The following SHOC2 variants were observed in gnomAD, a reference collection of about 807,000 sequenced individuals.
The protein encoded by SHOC2 is SHOC2 leucine rich repeat scaffold protein.
A neutral mutation model predicts 50.2 loss-of-function variants in SHOC2; 4 were observed. The observed-to-expected ratio is 0.08, with a 90% confidence interval of 0.04 to 0.18. The LOEUF is 0.18. SHOC2 is among the 10% of genes least tolerant of loss of function. The pLI is 1.00. For missense variants in SHOC2, 388 were observed against 669.6 expected (o/e 0.58, Z 4.64); for synonymous variants, 218 against 244.5 (o/e 0.89, Z 1.01).
Position 111,013,539 on chromosome 10 carries a change from A to G in SHOC2, c.*1721A>G, listed in dbSNP as rs1848607273. 1 of 152,116 alleles carries G rather than the reference A, an allele frequency of 6.6e-6. No homozygotes were observed. Among genetic ancestry groups the G allele is most frequent in the Non-Finnish European group, 1.5e-5 (1 of 67,990 alleles). The allele number at this position is 152,116 out of a possible 1,614,324, so 9.4% of individuals were successfully genotyped here. ...CCCTAGAATGCTTAAATGTGCTGTAAAACTATTGTAGATGTCACTGGATTT... is the reference window on the plus strand; with the variant it reads ...CCCTAGAATGCTTAAATGTGCTGTAGAACTATTGTAGATGTCACTGGATTT... On this transcript the variant is annotated 3_prime_UTR_variant, in exon 9 of 9. Coordinates refer to ENST00000369452, the MANE Select transcript of SHOC2 (RefSeq NM_007373.4).
chr10:110,957,001 T>A lies in SHOC2; in HGVS notation c.-234-7124T>A, dbSNP rs1349379156. On this transcript the variant is annotated intron_variant, in intron 1 of 8. Transcript: ENST00000369452. ...GTACCTTTTCTGGTGAACCTGGAGC[T>A]TTGTTCAGAGATCAAGAAAACAAGC... 7.2e-5 allele frequency among the ~76,000 whole-genome samples: 11 copies of A among 152,184 alleles called. No homozygotes were observed. In the East Asian group the frequency reaches 2.1e-3, roughly 29 times the overall value.
At chr10:111,006,471 C>T (rs1055750777) in intron 5 of SHOC2, among the ~76,000 whole-genome samples, 1 of 151,716 alleles carries the variant, frequency 6.6e-6, no homozygotes, top group African/African-American at 2.4e-5. Context: ...CCCGGGTTCA[C>T]GCCATTCTCC....
chr10:110,973,552 A>G (rs1350880357), intron 2 of SHOC2, among the ~76,000 whole-genome samples: 3 of 152,084 alleles, frequency 2.0e-5, no homozygotes, highest in Admixed American at 2.0e-4. Flanking sequence ...TCCTCATATC[A>G]TAGAATGAGT....
chr10:110,974,414 TATC>T (rs1472275009), intron 2 of SHOC2, among the ~76,000 whole-genome samples: 2 of 152,042 alleles, frequency 1.3e-5, no homozygotes, highest in African/African-American at 4.8e-5. Flanking sequence ...ATTGTAAAAA[TATC>T]AGCAAGGTCA....
intron 1 of SHOC2, among the ~76,000 whole-genome samples, chr10:110,934,898 C>T (rs1404632263): frequency 1.3e-5 from 2 of 152,050 alleles, no homozygotes; most frequent in African/African-American, 2.4e-5. Flanking sequence ...GTGTAAAATT[C>T]AAAAGATATA....
chr10:110,944,077 A>G (rs1380785896), intron 1 of SHOC2, among the ~76,000 whole-genome samples: 1 of 152,162 alleles, frequency 6.6e-6, no homozygotes, highest in East Asian at 1.9e-4. Context: ...CTTTTTTGTT[A>G]TTACAGAAAA....
At chr10:110,963,536 A>G (rs1002035336) in intron 1 of SHOC2, among the ~76,000 whole-genome samples, 19 of 151,934 alleles carry the variant, frequency 1.3e-4, no homozygotes, top group African/African-American at 4.6e-4. Context: ...TCTCTCTTCT[A>G]TCGTCACCAC....
At position 110,944,989 on chromosome 10, in the gene SHOC2, T is replaced by C. The variant is rs575548887; in HGVS notation, c.-234-19136T>C. ...AGCTTAGGCCCTTTTCAGGTCTTCC[T>C]TGAGCATGTACACAGCCTTAGGCAT... On this transcript the variant is annotated intron_variant, in intron 1 of 8. Transcript: ENST00000369452. Among the ~76,000 whole-genome samples the C allele has an allele frequency of 1.5e-3, 225 of 152,208 alleles. 1 individual carries two copies. The highest frequency in any genetic ancestry group is 2.4e-3 in the Non-Finnish European group (165 of 68,016).
intron 1 of SHOC2, among the ~76,000 whole-genome samples, chr10:110,938,397 T>A (rs1472278539): frequency 6.6e-6 from 1 of 152,160 alleles, no homozygotes; most frequent in Non-Finnish European, 1.5e-5. Flanking sequence ...AGCTTTCAAT[T>A]TTTAGCCTTT....
intron 1 of SHOC2, among the ~76,000 whole-genome samples, chr10:110,942,552 C>T (rs1230647522): frequency 6.6e-6 from 1 of 152,128 alleles, no homozygotes; most frequent in Non-Finnish European, 1.5e-5. Context: ...CCTTTATTTT[C>T]AAGAAAATGT....
chr10:110,921,250 A>T (rs1254895506), intron 1 of SHOC2, among the ~76,000 whole-genome samples: 1 of 152,240 alleles, frequency 6.6e-6, no homozygotes, highest in Non-Finnish European at 1.5e-5. Flanking sequence ...TAAAGTATGC[A>T]AATGACCATT....
rs566784958 is a variant in SHOC2, at chr10:110,946,385, T to C, written c.-234-17740T>C. Among the ~76,000 whole-genome samples, 9 of 149,966 alleles carry C rather than the reference T, an allele frequency of 6.0e-5. No homozygotes were observed. In the East Asian group the frequency reaches 1.7e-3, roughly 29 times the overall value. On this transcript the variant is annotated intron_variant, in intron 1 of 8. Coordinates refer to ENST00000369452, the MANE Select transcript of SHOC2 (RefSeq NM_007373.4). ...ATCTAGTATTGGCCAGGTTCTAGGC[T>C]CTGAATATACAGCTGCAAACCAAAT...
At chr10:110,938,246 T>A (rs1300110376) in intron 1 of SHOC2, among the ~76,000 whole-genome samples, 1 of 152,144 alleles carries the variant, frequency 6.6e-6, no homozygotes, top group Non-Finnish European at 1.5e-5. Context: ...TGAGTTTCAT[T>A]TTACCTGTGG....
At chr10:110,930,682 G>A (rs1219135164) in intron 1 of SHOC2, among the ~76,000 whole-genome samples, 2 of 141,508 alleles carry the variant, frequency 1.4e-5, no homozygotes, top group Non-Finnish European at 3.1e-5. Flanking sequence ...TGTATGACAT[G>A]TTTGGAGTTC....
chr10:110,953,673 T>C (rs1389737342), intron 1 of SHOC2, among the ~76,000 whole-genome samples: 1 of 151,984 alleles, frequency 6.6e-6, no homozygotes, highest in Non-Finnish European at 1.5e-5. Flanking sequence ...GTATAACTTG[T>C]GCGTAGTTAC....
chr10:111,001,607 G>A (rs1410093063), intron 4 of SHOC2, among the ~76,000 whole-genome samples: 1 of 152,170 alleles, frequency 6.6e-6, no homozygotes, highest in Admixed American at 6.5e-5. Context: ...CAAAAGAATT[G>A]GGGACTTATG....
At chr10:110,979,771 G>A (rs944278490) in intron 2 of SHOC2, among the ~76,000 whole-genome samples, 4 of 152,154 alleles carry the variant, frequency 2.6e-5, no homozygotes, top group Admixed American at 2.6e-4. Flanking sequence ...AATTCTTCAT[G>A]ACCAAACTGT....
At chr10:110,999,100 T>A (rs1848319647) in intron 3 of SHOC2, among the ~76,000 whole-genome samples, 1 of 152,178 alleles carries the variant, frequency 6.6e-6, no homozygotes, top group African/African-American at 2.4e-5. Flanking sequence ...CTCCAAAAAG[T>A]TAAGTGTTGA....
chr10:110,928,476 C>T (rs2072611175), intron 1 of SHOC2, among the ~76,000 whole-genome samples: 1 of 152,050 alleles, frequency 6.6e-6, no homozygotes, highest in African/African-American at 2.4e-5. Context: ...CTTTTACTAG[C>T]TTATTTTGTT....
Sources: allele counts gnomAD v4.1 joint callset (sites outside exome capture counted in the v4.1 genomes callset), GRCh38; gene constraint gnomAD v4.1.1; transcripts MANE v1.5; gene names NCBI Gene and HGNC (gene_info 2026-07-23, HGNC 2026-07-21).